Variants in LRRC42 observed in about 807,000 individuals in gnomAD.
LRRC42 encodes leucine rich repeat containing 42.
In LRRC42, 43 loss-of-function variants were observed where a neutral mutation model predicts 44.3. The ratio of observed to expected loss-of-function variants is 0.97; its 90% CI spans 0.76 to 1.25. The LOEUF (loss-of-function observed/expected upper bound fraction) is 1.25, where lower values mean the gene tolerates loss of function less well. Among genes scored for constraint, LRRC42 ranks in the 50% most tolerant of loss-of-function variants. The pLI is 0.00. For missense variants in LRRC42, 540 were observed against 509.1 expected, an observed-to-expected ratio of 1.06 and a Z score of -0.58; for synonymous variants, 207 against 195.2, an observed-to-expected ratio of 1.06 and a Z score of -0.50.
rs1314701730 is a variant in LRRC42 at position 53,958,229 on chromosome 1, T to C, written c.554T>C (p.Leu185Pro). 1.2e-6 allele frequency: 2 copies of C among 1,613,946 alleles called. No individual in the cohort carries two copies. Among genetic ancestry groups the C allele is most frequent in the East Asian group, 2.2e-5 (1 of 44,872 alleles). ...LTCLDLSCCK[L>P]GDEHELLEHL... ...TGCCTGGATCTTTCCTGTTGCAAGCTTGGAGATGAGCATGAACTTCTAGAA... is the reference window on the plus strand; with the variant it reads ...TGCCTGGATCTTTCCTGTTGCAAGCCTGGAGATGAGCATGAACTTCTAGAA... The change falls in exon 4 of 9, where the codon CTT (leucine) becomes CCT (proline). Residue 185 changes from leucine to proline, a missense_variant. By Grantham distance (98) the Leu-to-Pro change is moderately conservative. Transcript: ENST00000371370.
At chr1:53,958,718 C>T (rs1654914353) in intron 4 of LRRC42, among the ~76,000 whole-genome samples, 1 of 151,876 alleles carries the variant, frequency 6.6e-6, no homozygotes, top group South Asian at 2.1e-4. Flanking sequence ...TCCCAAGTAG[C>T]TGGGATTACA....
Position 53,966,328 on chromosome 1 carries a change from A to G in LRRC42, c.960A>G (p.Glu320=). The G allele has an allele frequency of 1.2e-6, 2 of 1,614,036 alleles. No homozygotes were observed. Among genetic ancestry groups the G allele is most frequent in the Non-Finnish European group, 1.7e-6 (2 of 1,179,868 alleles). ...IVLQWERVTA[E]AVKPRETSEP... ...TGCAGTGGGAGCGTGTGACTGCGGA[A>G]GCTGTGAAGCCACGGGAGACCTCGG... Residue 320 remains glutamate, a synonymous_variant, in exon 8 of 9, where the codon GAA becomes GAG. Transcript: ENST00000371370.
chr1:53,966,256 A>G (rs757482597), intron 7 of LRRC42, 40 bp from the exon 8 acceptor site: 11 of 1,501,580 alleles, frequency 7.3e-6, no homozygotes, highest in African/African-American at 1.4e-5. Flanking sequence ...TAAAATCTCA[A>G]TATTTTGTTT....
chr1:53,965,767 G>A (rs916509724), intron 7 of LRRC42, among the ~76,000 whole-genome samples: 12 of 152,064 alleles, frequency 7.9e-5, no homozygotes, highest in African/African-American at 1.9e-4. Context: ...GAGCCACCGC[G>A]CCCGGCCACA....
rs200319903 is a variant in LRRC42, at chr1:53,952,035, C to G, written c.36C>G (p.Asp12Glu). 4.3e-6 allele frequency: 7 copies of G among 1,614,134 alleles called. No homozygotes were observed. In the African/African-American group the frequency reaches 8.0e-5, roughly 18 times the overall value. ...SYYLSSENHL[D>E]PGPIYMRENG... The stretch of plus-strand genomic sequence containing the variant: ...ACCTCAGCTCAGAAAACCACCTGGA[C>G]CCAGGGCCCATCTACATGCGAGAAA... The change falls in exon 3 of 9, where the codon GAC becomes GAG. Residue 12 changes from aspartate (D) to glutamate (E), a missense_variant. By Grantham distance (45) the Asp-to-Glu change is conservative. Coordinates refer to ENST00000371370, the MANE Select transcript of LRRC42 (RefSeq NM_001256409.2).
At chr1:53,957,798 G>A (rs1654880617) in intron 3 of LRRC42, among the ~76,000 whole-genome samples, 1 of 152,158 alleles carries the variant, frequency 6.6e-6, no homozygotes, top group Admixed American at 6.6e-5. Context: ...TTAAAAATTC[G>A]AGTATCCTAA....
rs376339637 is a variant in LRRC42, at chr1:53,952,048, T to C, written c.49T>C (p.Tyr17His). The C allele has an allele frequency of 6.2e-6, 10 of 1,614,240 alleles. No individual in the cohort carries two copies. Among genetic ancestry groups the C allele is most frequent in the Non-Finnish European group, 5.9e-6 (7 of 1,180,040 alleles). The change falls in exon 3 of 9, where the codon TAC (tyrosine) becomes CAC (histidine). Residue 17 changes from tyrosine (Y) to histidine (H), a missense_variant. By Grantham distance (83) the Tyr-to-His change is moderately conservative. Coordinates refer to ENST00000371370, the MANE Select transcript of LRRC42 (RefSeq NM_001256409.2). ...AAACCACCTGGACCCAGGGCCCATCTACATGCGAGAAAATGGGCAGCTGCA... is the reference window on the plus strand; with the variant it reads ...AAACCACCTGGACCCAGGGCCCATCCACATGCGAGAAAATGGGCAGCTGCA... Reference protein sequence around the residue: ...SENHLDPGPIYMRENGQLHMV... With the variant: ...SENHLDPGPIHMRENGQLHMV...
intron 4 of LRRC42, 75 bp from the exon 5 acceptor site, chr1:53,960,281 T>C (rs952416428): frequency 7.1e-6 from 7 of 979,084 alleles, no homozygotes; most frequent in Non-Finnish European, 1.1e-5. Flanking sequence ...AATGAAAATG[T>C]TGAAAGCATG....
intron 5 of LRRC42, among the ~76,000 whole-genome samples, chr1:53,961,427 T>G (rs1297400179): frequency 1.3e-5 from 2 of 151,364 alleles, no homozygotes; most frequent in Admixed American, 6.6e-5. Flanking sequence ...AAAAAAGAAA[T>G]AATGAATGTC....
rs918075280 is a variant in LRRC42, at chr1:53,958,728, A to G, written c.605+448A>G. 9.2e-5 allele frequency among the ~76,000 whole-genome samples: 14 copies of G among 151,952 alleles called. No homozygotes were observed. The East Asian group carries it at 1.2e-3, about 13-fold the overall frequency. On this transcript the variant is annotated intron_variant, in intron 4 of 8. Coordinates refer to ENST00000371370, the MANE Select transcript of LRRC42 (RefSeq NM_001256409.2). Reference sequence around the variant, plus strand: ...CAGCCTCCCAAGTAGCTGGGATTACAGGCATGCACCACCACGCCCAGCTAA... The same window carrying G: ...CAGCCTCCCAAGTAGCTGGGATTACGGGCATGCACCACCACGCCCAGCTAA...
chr1:53,966,401 T>C, intron 8 of LRRC42, 21 bp downstream of exon 8: 1 of 1,583,566 alleles, frequency 6.3e-7, no homozygotes. Context: ...CCCTTTCCTT[T>C]GAAGTTTTTT....
chr1:53,956,713 T>C (rs1373977598), intron 3 of LRRC42, among the ~76,000 whole-genome samples: 1 of 152,234 alleles, frequency 6.6e-6, no homozygotes, highest in Non-Finnish European at 1.5e-5. Flanking sequence ...TGGCCTAACA[T>C]GTTTGTTCCT....
chr1:53,963,248 A>G (rs1655042442), intron 7 of LRRC42, among the ~76,000 whole-genome samples: 1 of 152,210 alleles, frequency 6.6e-6, no homozygotes, highest in Non-Finnish European at 1.5e-5. Context: ...TCAGAAGCAC[A>G]CTGAGCTTGG....
At chr1:53,960,594 A>G in intron 5 of LRRC42, 120 bp downstream of exon 5, 2 of 736,940 alleles carry the variant, frequency 2.7e-6, no homozygotes, top group Non-Finnish European at 4.3e-6. Flanking sequence ...TCGGTGCCAT[A>G]GAAACTTGGT....
intron 8 of LRRC42, 100 bp downstream of exon 8, chr1:53,966,480 T>C: frequency 6.4e-6 from 5 of 775,222 alleles, no homozygotes; most frequent in Non-Finnish European, 1.1e-5. Context: ...TATGATAGTA[T>C]TGGCTTATTT....
intron 1 of LRRC42, among the ~76,000 whole-genome samples, 200 bp downstream of exon 1, chr1:53,946,749 G>A (rs1203426754): frequency 6.6e-6 from 1 of 151,738 alleles, no homozygotes; most frequent in African/African-American, 2.4e-5. Flanking sequence ...AGGCTATGGG[G>A]ACGTGTGAGA....
At position 53,952,081 on chromosome 1, in the gene LRRC42, A is replaced by T; in HGVS notation, c.82A>T (p.Asn28Tyr). Residue 28 changes from asparagine (N) to tyrosine (Y), a missense_variant, in exon 3 of 9, where the codon AAT (asparagine) becomes TAT (tyrosine). Transcript: ENST00000371370. ...MRENGQLHMVNLALDGVRSSL... is the reference protein window; with the variant it reads ...MRENGQLHMVYLALDGVRSSL... ...AGAAAATGGGCAGCTGCACATGGTC[A>T]ATCTGGCTCTGGATGGTGTCAGGAG... 1 of 1,614,224 alleles carries T rather than the reference A, an allele frequency of 6.2e-7. No homozygotes were observed. The highest frequency in any genetic ancestry group is 8.5e-7 in the Non-Finnish European group (1 of 1,180,034).
intron 7 of LRRC42, among the ~76,000 whole-genome samples, chr1:53,963,629 C>T (rs950498459): frequency 6.6e-6 from 1 of 152,236 alleles, no homozygotes; most frequent in African/African-American, 2.4e-5. Context: ...GCTTCCTGCC[C>T]TCCGCCCTCA....
In LRRC42 at chr1:53,968,046, A is replaced by G; in HGVS notation, c.*107A>G. 2 of 1,171,200 alleles carry G rather than the reference A, an allele frequency of 1.7e-6. No homozygotes were observed. Among genetic ancestry groups the G allele is most frequent in the Non-Finnish European group, 2.4e-6 (2 of 822,936 alleles). 72.6% of individuals were successfully genotyped at this position (1,171,200 alleles called of 1,614,324 possible). Reference sequence around the variant, plus strand: ...TTGAATTTACCTATGGCATTAGCATAGTAAGCAGATATTTCTACTTTTGTG... The same window carrying G: ...TTGAATTTACCTATGGCATTAGCATGGTAAGCAGATATTTCTACTTTTGTG... On this transcript the variant is annotated 3_prime_UTR_variant, in exon 9 of 9. Coordinates refer to ENST00000371370, the MANE Select transcript of LRRC42 (RefSeq NM_001256409.2).
Sources: gnomAD v4.1 joint callset for allele counts (sites outside exome capture counted in the v4.1 genomes callset) on GRCh38, gnomAD v4.1.1 for gene constraint, MANE v1.5 for transcripts, NCBI Gene and HGNC (gene_info 2026-07-23, HGNC 2026-07-21) for gene names.